Variants in TENT2 observed in about 807,000 individuals in gnomAD.
The protein encoded by TENT2 is terminal nucleotidyltransferase 2, also known as poly(A) RNA polymerase GLD2.
Under a neutral mutation model 72.2 loss-of-function variants are expected in TENT2, and 44 were observed. The observed-to-expected ratio is 0.61, with a 90% CI of 0.48 to 0.78. TENT2 has a LOEUF of 0.78. Among genes scored for constraint, TENT2 ranks in the 30% least tolerant of loss-of-function variants. TENT2 has a pLI of 0.00. For synonymous variants in TENT2, 212 were observed against 192.5 expected, an observed-to-expected ratio of 1.10 and a Z score of -0.84; for missense variants, 541 against 569.6, an observed-to-expected ratio of 0.95 and a Z score of 0.51.
At chr5:79,641,833 T>C (rs560700746) in intron 6 of TENT2, among the ~76,000 whole-genome samples, 62 of 152,068 alleles carry the variant, frequency 4.1e-4, no homozygotes, top group African/African-American at 1.4e-3. Context: ...ATACTTGCAT[T>C]ATACTTAACA....
chr5:79,649,097 A>C lies in TENT2; in HGVS notation c.934A>C (p.Lys312Gln). 6.2e-7 allele frequency: 1 copy of C among 1,613,356 alleles called. No individual in the cohort carries two copies. The highest frequency in any genetic ancestry group is 1.1e-5 in the South Asian group (1 of 91,058). Reference sequence around the variant, plus strand: ...AGTTCGTCCGTTAGTGCTGGTGATTAAGAAGTGGGCAAGTCACCATCAGAT... The same window carrying C: ...AGTTCGTCCGTTAGTGCTGGTGATTCAGAAGTGGGCAAGTCACCATCAGAT... The part of the protein sequence containing the change: ...NRVRPLVLVI[K>Q]KWASHHQIND... The change falls in exon 10 of 15, where the codon AAG (lysine) becomes CAG (glutamine). Residue 312 changes from lysine to glutamine, a missense_variant. By Grantham distance (53) the Lys-to-Gln change is moderately conservative (BLOSUM62 1). Coordinates refer to ENST00000453514, the MANE Select transcript of TENT2 (RefSeq NM_001114394.3).
chr5:79,619,223 A>G (rs1762833572), intron 1 of TENT2, among the ~76,000 whole-genome samples: 1 of 152,220 alleles, frequency 6.6e-6, no homozygotes, highest in Non-Finnish European at 1.5e-5. Context: ...TCCAAATTCT[A>G]GGAATCAGGA....
chr5:79,634,412 C>T (rs555172948), intron 4 of TENT2, among the ~76,000 whole-genome samples: 3 of 152,208 alleles, frequency 2.0e-5, no homozygotes, highest in African/African-American at 7.2e-5. Flanking sequence ...TCTTGACTCA[C>T]TGCAACCTCT....
In TENT2 at chr5:79,666,091, C is replaced by T. The variant is rs184515469; in HGVS notation, c.1072-2801C>T. 2.6e-3 allele frequency among the ~76,000 whole-genome samples: 389 copies of T among 151,416 alleles called. 2 individuals carry two copies. Among genetic ancestry groups the T allele is most frequent in the African/African-American group, 8.9e-3 (368 of 41,216 alleles). On this transcript the variant is annotated intron_variant, in intron 11 of 14. Coordinates refer to ENST00000453514, the MANE Select transcript of TENT2 (RefSeq NM_001114394.3). The stretch of plus-strand genomic sequence containing the variant: ...GCAACCTCCACCTCCCGGATTCAAG[C>T]GATTGTCTTGCCTCAGCCTCCTGAG...
chr5:79,632,524 G>T (rs934635378), intron 4 of TENT2, among the ~76,000 whole-genome samples: 1 of 152,058 alleles, frequency 6.6e-6, no homozygotes, highest in Non-Finnish European at 1.5e-5. Flanking sequence ...TGAAATTTCT[G>T]GTTAGTAGAA....
At position 79,659,558 on chromosome 5, in the gene TENT2, ATATATATATATAT is replaced by A. The variant is rs1800884123; in HGVS notation, c.1071+2558_1071+2570del. 1.9e-4 allele frequency among the ~76,000 whole-genome samples: 10 copies of A among 52,256 alleles called. No individual in the cohort carries two copies. The East Asian group carries it at 5.3e-3, about 28-fold the overall frequency. The allele number at this position is 52,256 out of a possible 152,430, so 34.3% of individuals were successfully genotyped here. On this transcript the variant is annotated intron_variant, in intron 11 of 14. Coordinates refer to ENST00000453514, the MANE Select transcript of TENT2 (RefSeq NM_001114394.3). ...AAAAAAAAAAAAAAAAAAAAAATGTATATATATATATATATATATATATATATATATATATAAT... is the reference window on the plus strand; with the variant it reads ...AAAAAAAAAAAAAAAAAAAAAATGTAATATATATATATATATATATATAAT...
chr5:79,681,868 T>C (rs1822259114), intron 13 of TENT2, 114 bp from the exon 14 acceptor site: 2 of 769,188 alleles, frequency 2.6e-6, no homozygotes, highest in Admixed American at 2.9e-5. Flanking sequence ...CCATCTGAAA[T>C]TGCAATTTTT....
At chr5:79,630,413 A>G (rs930352405) in intron 4 of TENT2, among the ~76,000 whole-genome samples, 2 of 152,132 alleles carry the variant, frequency 1.3e-5, no homozygotes, top group African/African-American at 4.8e-5. Context: ...GCAAAACTCC[A>G]TCTCTTTTAA....
chr5:79,651,572 C>A (rs1331388717), intron 10 of TENT2, among the ~76,000 whole-genome samples: 1 of 151,898 alleles, frequency 6.6e-6, no homozygotes, highest in Admixed American at 6.6e-5. Flanking sequence ...ATTGTTACAC[C>A]CTTTCCACTT....
chr5:79,640,014 T>G (rs946234996), intron 4 of TENT2, among the ~76,000 whole-genome samples: 1 of 152,058 alleles, frequency 6.6e-6, no homozygotes, highest in Non-Finnish European at 1.5e-5. Flanking sequence ...CCCAGCACTT[T>G]GGGAGGCTGA....
intron 1 of TENT2, 71 bp from the exon 2 acceptor site, chr5:79,619,541 A>G (rs1461417975): frequency 1.8e-6 from 2 of 1,127,976 alleles, no homozygotes; most frequent in Non-Finnish European, 2.4e-6. Flanking sequence ...AAGTTAGTGG[A>G]TAATAGTTAT....
chr5:79,627,109 G>A (rs572567363), intron 4 of TENT2, among the ~76,000 whole-genome samples: 178 of 145,258 alleles, frequency 1.2e-3, no homozygotes, highest in Non-Finnish European at 8.5e-4. Context: ...CAGCCTGGGC[G>A]ACAGAGTGAG....
rs1766749409 is a variant in TENT2 at position 79,623,443 on chromosome 5, C to T, written c.419C>T (p.Ala140Val). ...VRCVPPFREI[A>V]FLEPREITLP... is the part of the protein sequence containing the mutation. Reference sequence around the variant, plus strand: ...TGTGTTCCACCTTTTCGAGAAATTGCATTTTTAGAACCTAGAGAAATCACA... The same window carrying T: ...TGTGTTCCACCTTTTCGAGAAATTGTATTTTTAGAACCTAGAGAAATCACA... Residue 140 changes from alanine (A) to valine (V), a missense_variant, in exon 4 of 15, where the codon GCA (alanine) becomes GTA (valine). Coordinates refer to ENST00000453514, the MANE Select transcript of TENT2 (RefSeq NM_001114394.3). 4.3e-6 allele frequency: 7 copies of T among 1,610,984 alleles called. No individual in the cohort carries two copies.
intron 12 of TENT2, among the ~76,000 whole-genome samples, chr5:79,670,219 CAA>C (rs1327703736): frequency 1.2e-4 from 14 of 115,208 alleles, no homozygotes; most frequent in South Asian, 2.7e-4. Flanking sequence ...AACTCTATCT[CAA>C]AAAAAAAAAA....
chr5:79,664,505 G>T (rs559255714), intron 11 of TENT2, among the ~76,000 whole-genome samples: 1 of 151,276 alleles, frequency 6.6e-6, no homozygotes, highest in African/African-American at 2.4e-5. Flanking sequence ...TGAGGCAGGC[G>T]AATTGCTTGA....
chr5:79,634,702 A>G lies in TENT2; in HGVS notation c.466-6149A>G, dbSNP rs577363540. ...AAATTTTTTGTGTAGTGAGAAATAG[A>G]CTAATTAATTTTATAGTGATAGATC... On this transcript the variant is annotated intron_variant, in intron 4 of 14. Transcript: ENST00000453514. Among the ~76,000 whole-genome samples the G allele has an allele frequency of 1.1e-3, 167 of 152,276 alleles. 1 individual carries two copies. The highest frequency in any genetic ancestry group is 3.9e-3 in the African/African-American group (162 of 41,574).
intron 11 of TENT2, among the ~76,000 whole-genome samples, chr5:79,666,486 C>T (rs1410728350): frequency 1.3e-5 from 2 of 151,570 alleles, no homozygotes; most frequent in South Asian, 2.1e-4. Flanking sequence ...GTACCTGGAA[C>T]GACAGCAGTC....
At chr5:79,666,655 A>ATTATAC (rs3036280) in intron 11 of TENT2, among the ~76,000 whole-genome samples, 68,714 of 151,494 alleles carry the variant, frequency 0.45, 19,437 homozygotes, top group African/African-American at 0.8. Context: ...TTGCTATGAA[A>ATTATAC]TTAATGTGTT....
At chr5:79,681,834 A>G in intron 13 of TENT2, 148 bp from the exon 14 acceptor site, 1 of 583,254 alleles carries the variant, frequency 1.7e-6, no homozygotes. Context: ...GTATACATAA[A>G]TCTAATAAAG....
Sources: gnomAD v4.1 joint callset for allele counts (sites outside exome capture counted in the v4.1 genomes callset) on GRCh38, gnomAD v4.1.1 for gene constraint, MANE v1.5 for transcripts, NCBI Gene and HGNC (gene_info 2026-07-23, HGNC 2026-07-21) for gene names.